Variants in MSRA observed in about 807,000 individuals in gnomAD.
MSRA encodes mitochondrial peptide methionine sulfoxide reductase.
Under a neutral mutation model 31.3 loss-of-function variants are expected in MSRA, and 54 were observed. The observed-to-expected ratio is 1.73, with a 90% CI of 1.39 to 2.17. The LOEUF (loss-of-function observed/expected upper bound fraction) is 2.17, where lower values mean the gene tolerates loss of function less well. MSRA is among the 30% of genes most tolerant of loss of function. The pLI, the probability that MSRA is intolerant of heterozygous loss-of-function variation, is 0.00. For synonymous variants in MSRA, 169 were observed against 116.5 expected (o/e 1.45, Z -2.90); for missense variants, 507 against 300.9 (o/e 1.69, Z -5.07).
intron 1 of MSRA, among the ~76,000 whole-genome samples, chr8:10,196,866 C>G (rs916596050): frequency 6.6e-6 from 1 of 152,158 alleles, no homozygotes; most frequent in African/African-American, 2.4e-5. Context: ...GCCACTGTAC[C>G]TGGCCAGGAC....
intron 3 of MSRA, among the ~76,000 whole-genome samples, chr8:10,296,284 G>A (rs537347833): frequency 6.6e-6 from 1 of 152,302 alleles, no homozygotes; most frequent in East Asian, 1.9e-4. Flanking sequence ...CTTAAATCTT[G>A]TGTTTTCTCC....
chr8:10,391,679 G>A (rs773911879), intron 5 of MSRA, among the ~76,000 whole-genome samples: 2 of 152,100 alleles, frequency 1.3e-5, no homozygotes, highest in South Asian at 2.1e-4. Context: ...GCTAGGAGTC[G>A]GTTCTTCTAC....
intron 1 of MSRA, among the ~76,000 whole-genome samples, chr8:10,158,915 C>T (rs1396251484): frequency 6.6e-6 from 1 of 152,174 alleles, no homozygotes; most frequent in Non-Finnish European, 1.5e-5. Flanking sequence ...TGATTATAGC[C>T]ACTCTACTGC....
At position 10,084,049 on chromosome 8, in the gene MSRA, T is replaced by C. The variant is rs534844295; in HGVS notation, c.142+29391T>C. Among the ~76,000 whole-genome samples, 13 of 152,334 alleles carry C rather than the reference T, an allele frequency of 8.5e-5. 1 individual carries two copies. The highest frequency in any genetic ancestry group is 3.1e-4 in the African/African-American group (13 of 41,584). On this transcript the variant is annotated intron_variant, in intron 1 of 5. Transcript: ENST00000317173. ...TTTGGAAGTGAAATGTGCAAGGACT[T>C]GTGCAGTGTCACATCTTAAGAGGCT...
intron 2 of MSRA, among the ~76,000 whole-genome samples, chr8:10,219,608 C>T (rs1366299750): frequency 6.6e-6 from 1 of 151,794 alleles, no homozygotes; most frequent in Non-Finnish European, 1.5e-5. Flanking sequence ...AGACTGAGAC[C>T]ATCCTGGCTA....
At chr8:10,420,195 G>T (rs1455000367) in intron 5 of MSRA, among the ~76,000 whole-genome samples, 1 of 137,314 alleles carries the variant, frequency 7.3e-6, no homozygotes. Context: ...GACATACTGT[G>T]GAATTCCATG....
At chr8:10,372,490 C>T (rs1016565567) in intron 5 of MSRA, among the ~76,000 whole-genome samples, 2 of 152,148 alleles carry the variant, frequency 1.3e-5, no homozygotes, top group African/African-American at 4.8e-5. Context: ...GTGCTGTTTT[C>T]CCGATTTCTA....
At chr8:10,403,317 C>A (rs1447263631) in intron 5 of MSRA, among the ~76,000 whole-genome samples, 2 of 152,176 alleles carry the variant, frequency 1.3e-5, no homozygotes, top group South Asian at 2.1e-4. Flanking sequence ...ATCAACCCAG[C>A]CAACGAGAAA....
At chr8:10,214,370 T>C (rs1048484952) in intron 2 of MSRA, among the ~76,000 whole-genome samples, 1 of 152,078 alleles carries the variant, frequency 6.6e-6, no homozygotes, top group Non-Finnish European at 1.5e-5. Context: ...TCGTTTCCTG[T>C]CTGACATGAA....
At chr8:10,335,415 C>T (rs1224793051) in intron 5 of MSRA, among the ~76,000 whole-genome samples, 1 of 152,114 alleles carries the variant, frequency 6.6e-6, no homozygotes, top group Non-Finnish European at 1.5e-5. Flanking sequence ...GACAGCACTC[C>T]ATTGCGACGT....
intron 1 of MSRA, among the ~76,000 whole-genome samples, chr8:10,107,649 G>A (rs1289168558): frequency 2.0e-5 from 3 of 152,144 alleles, no homozygotes; most frequent in African/African-American, 7.2e-5. Context: ...AACCCAACAT[G>A]CTGTTTAAAT....
At chr8:10,073,492 T>C (rs563700940) in intron 1 of MSRA, among the ~76,000 whole-genome samples, 1 of 152,242 alleles carries the variant, frequency 6.6e-6, no homozygotes, top group Non-Finnish European at 1.5e-5. Flanking sequence ...TCTGGAATTT[T>C]ACAGAAAAGG....
chr8:10,335,716 C>A (rs1332905125), intron 5 of MSRA, among the ~76,000 whole-genome samples: 1 of 152,202 alleles, frequency 6.6e-6, no homozygotes, highest in Non-Finnish European at 1.5e-5. Flanking sequence ...AGCCTTCAAT[C>A]CCCAGAGGGA....
chr8:10,177,338 G>C (rs1806143259), intron 1 of MSRA, among the ~76,000 whole-genome samples: 1 of 152,212 alleles, frequency 6.6e-6, no homozygotes, highest in Admixed American at 6.5e-5. Flanking sequence ...ACAACACACT[G>C]ATGGATATGG....
intron 2 of MSRA, among the ~76,000 whole-genome samples, chr8:10,223,577 A>G (rs544203473): frequency 1.3e-5 from 2 of 152,290 alleles, no homozygotes; most frequent in South Asian, 2.1e-4. Flanking sequence ...GAGAAAAACT[A>G]TTGTTATGGA....
intron 3 of MSRA, among the ~76,000 whole-genome samples, chr8:10,263,411 A>G (rs1335950321): frequency 1.3e-5 from 2 of 152,216 alleles, no homozygotes; most frequent in African/African-American, 4.8e-5. Flanking sequence ...ATGATAGGAA[A>G]AAAGACTACA....
chr8:10,352,179 T>C (rs1804192836), intron 5 of MSRA, among the ~76,000 whole-genome samples: 1 of 152,208 alleles, frequency 6.6e-6, no homozygotes. Flanking sequence ...CAGAGTTGTG[T>C]CATAGCTGGA....
At chr8:10,279,806 C>G (rs1216476928) in intron 3 of MSRA, among the ~76,000 whole-genome samples, 1 of 152,166 alleles carries the variant, frequency 6.6e-6, no homozygotes, top group East Asian at 1.9e-4. Flanking sequence ...CCATCACTGA[C>G]TTCATATAGG....
At chr8:10,121,105 C>T (rs1801073833) in intron 1 of MSRA, among the ~76,000 whole-genome samples, 1 of 152,180 alleles carries the variant, frequency 6.6e-6, no homozygotes, top group African/African-American at 2.4e-5. Flanking sequence ...GACAGCTCCT[C>T]ATCCCTTAAA....
Sources: gnomAD v4.1 joint callset for allele counts (sites outside exome capture counted in the v4.1 genomes callset) on GRCh38, gnomAD v4.1.1 for gene constraint, MANE v1.5 for transcripts, NCBI Gene and HGNC (gene_info 2026-07-23, HGNC 2026-07-21) for gene names.